CHD2: variants seen among roughly 807,000 people sequenced by gnomAD.
The protein encoded by CHD2 is ATP-dependent chromatin remodeler CHD2.
A neutral mutation model predicts 243.9 loss-of-function variants in CHD2; 28 were observed. The observed-to-expected ratio is 0.11, with a 90% confidence interval of 0.09 to 0.16. The LOEUF is 0.16. Among genes scored for constraint, CHD2 ranks in the 10% least tolerant of loss-of-function variants. CHD2 has a pLI of 1.00. For missense variants in CHD2, 1,386 were observed against 2,209.8 expected, an observed-to-expected ratio of 0.63 and a Z score of 7.47; for synonymous variants, 775 against 779.0, an observed-to-expected ratio of 0.99 and a Z score of 0.09.
At chr15:92,944,323 G>T (rs1250340557) in intron 9 of CHD2, 92 bp from the exon 10 acceptor site, 2 of 616,340 alleles carry the variant, frequency 3.2e-6, no homozygotes, top group Non-Finnish European at 5.8e-6. Flanking sequence ...GTAAAAAATA[G>T]GTTTTCTTTT....
chr15:92,926,138 A>C (rs928983169), intron 3 of CHD2, among the ~76,000 whole-genome samples: 3 of 152,138 alleles, frequency 2.0e-5, no homozygotes, highest in African/African-American at 7.2e-5. Context: ...CACCTGTCTA[A>C]TTTTTAAATT....
intron 27 of CHD2, 61 bp downstream of exon 27, chr15:92,991,578 CTTTTTTGGTAAAT>C (rs915075266): frequency 8.1e-7 from 1 of 1,237,122 alleles, no homozygotes; most frequent in African/African-American, 1.6e-5. Context: ...ATAGTACGTT[CTTTTTTGGTAAAT>C]TTTTCCATTT....
chr15:92,971,682 A>G (rs2053844078), intron 17 of CHD2, 83 bp from the exon 18 acceptor site: 4 of 1,234,904 alleles, frequency 3.2e-6, no homozygotes, highest in East Asian at 2.6e-5. Flanking sequence ...CCACAATACT[A>G]CTACTATCTC....
chr15:92,967,257 TAC>T, intron 16 of CHD2, 66 bp from the exon 17 acceptor site: 4 of 1,135,814 alleles, frequency 3.5e-6, no homozygotes, highest in Non-Finnish European at 5.0e-6. Flanking sequence ...TTCATTTTTT[TAC>T]AGTTTTTTTT....
At chr15:92,976,977 C>T (rs571098968) in intron 20 of CHD2, among the ~76,000 whole-genome samples, 6 of 151,738 alleles carry the variant, frequency 4.0e-5, no homozygotes, top group Admixed American at 6.6e-5. Context: ...ACTACCTTAC[C>T]GTTAGTGGCA....
chr15:92,953,181 C>G (rs2053576819), intron 13 of CHD2, among the ~76,000 whole-genome samples, 176 bp from the exon 14 acceptor site: 1 of 152,208 alleles, frequency 6.6e-6, no homozygotes, highest in African/African-American at 2.4e-5. Context: ...TTTCTACTTT[C>G]TTCCTTATGT....
At chr15:92,970,051 G>C (rs978730154) in intron 17 of CHD2, among the ~76,000 whole-genome samples, 1 of 151,792 alleles carries the variant, frequency 6.6e-6, no homozygotes, top group South Asian at 2.1e-4. Flanking sequence ...TTTCATTTTA[G>C]TTTTGATTTT....
At chr15:92,913,613 T>C (rs1014880478) in intron 2 of CHD2, among the ~76,000 whole-genome samples, 2 of 152,226 alleles carry the variant, frequency 1.3e-5, no homozygotes, top group South Asian at 2.1e-4. Context: ...CCCAGCACTT[T>C]GGGAGGCTGA....
Position 92,984,493 on chromosome 15 carries a change from C to G in CHD2, c.3230C>G (p.Thr1077Ser). The G allele has an allele frequency of 6.2e-7, 1 of 1,608,512 alleles. No individual in the cohort carries two copies. Among genetic ancestry groups the G allele is most frequent in the East Asian group, 2.2e-5 (1 of 44,708 alleles). The change falls in exon 25 of 39, where the codon ACT becomes AGT. Residue 1077 changes from threonine (T) to serine (S), a missense_variant. Thr to Ser is a moderately conservative substitution (Grantham distance 58). This residue lies in a region of CHD2 where 99 missense variants were observed against 206.4 expected (regional missense o/e 0.48). Coordinates refer to ENST00000394196, the MANE Select transcript of CHD2 (RefSeq NM_001271.4). ...IYMLPRIRSS[T>S]KKAQTNDSDS... Reference sequence around the variant, plus strand: ...ATGCTGCCTCGAATTCGGAGTTCCACTAAAAAGGTGATCAAGTGAGATGAA... The same window carrying G: ...ATGCTGCCTCGAATTCGGAGTTCCAGTAAAAAGGTGATCAAGTGAGATGAA...
chr15:93,002,346 A>C, intron 33 of CHD2, 29 bp downstream of exon 33: 1 of 1,574,420 alleles, frequency 6.4e-7, no homozygotes, highest in South Asian at 1.2e-5. Context: ...TCATGCAGAT[A>C]TCCACAGCCT....
intron 32 of CHD2, among the ~76,000 whole-genome samples, chr15:93,001,224 G>A (rs187067959): frequency 6.6e-6 from 1 of 152,138 alleles, no homozygotes; most frequent in South Asian, 2.1e-4. Context: ...TGCAAATGAC[G>A]GGGAGTGGTC....
chr15:92,932,152 G>A (rs1013050059), intron 5 of CHD2, among the ~76,000 whole-genome samples: 1 of 152,136 alleles, frequency 6.6e-6, no homozygotes, highest in Non-Finnish European at 1.5e-5. Context: ...TTGAGCCACC[G>A]CACCTGGCTG....
At chr15:92,968,479 T>C (rs1346772389) in intron 17 of CHD2, among the ~76,000 whole-genome samples, 1 of 152,250 alleles carries the variant, frequency 6.6e-6, no homozygotes, top group Non-Finnish European at 1.5e-5. Context: ...CAGAGGAATA[T>C]TGTTTCACAG....
intron 5 of CHD2, among the ~76,000 whole-genome samples, chr15:92,933,334 T>A (rs149250096): frequency 6.6e-6 from 1 of 152,354 alleles, no homozygotes; most frequent in Admixed American, 6.5e-5. Context: ...TAGCTTCTTT[T>A]GAGAAAATTT....
intron 22 of CHD2, 32 bp downstream of exon 22, chr15:92,979,315 A>G: frequency 6.2e-7 from 1 of 1,607,834 alleles, no homozygotes; most frequent in Non-Finnish European, 8.5e-7. Flanking sequence ...AGGTAGGCAG[A>G]ATCAAATTGA....
At chr15:93,011,428 G>C (rs1304748661) in intron 35 of CHD2, among the ~76,000 whole-genome samples, 1 of 152,280 alleles carries the variant, frequency 6.6e-6, no homozygotes, top group South Asian at 2.1e-4. Context: ...TTCAGCAAAG[G>C]CTTGAAAGTG....
At chr15:93,004,588 A>C in intron 33 of CHD2, 29 bp from the exon 34 acceptor site, 1 of 1,593,768 alleles carries the variant, frequency 6.3e-7, no homozygotes, top group East Asian at 2.2e-5. Context: ...CACAAATGAC[A>C]ATGACTCCTT....
At chr15:92,984,283 G>T (rs2054013978) in intron 24 of CHD2, 47 bp from the exon 25 acceptor site, 6 of 1,422,598 alleles carry the variant, frequency 4.2e-6, no homozygotes, top group Non-Finnish European at 5.6e-6. Context: ...TTAGTAGATG[G>T]TGTTTAGAAA....
chr15:92,913,967 T>A, intron 2 of CHD2, among the ~76,000 whole-genome samples: 1 of 152,210 alleles, frequency 6.6e-6, no homozygotes, highest in Non-Finnish European at 1.5e-5. Flanking sequence ...CAGGGACCCC[T>A]CTTACTCCCA....
Sources: gnomAD v4.1 joint callset for allele counts (sites outside exome capture counted in the v4.1 genomes callset) on GRCh38, gnomAD v4.1.1 for gene constraint, gnomAD v4.1.1 regional missense constraint, MANE v1.5 for transcripts, NCBI Gene and HGNC (gene_info 2026-07-23, HGNC 2026-07-21) for gene names.